The following TENM4 variants were observed in gnomAD, a reference collection of about 807,000 sequenced individuals.
TENM4 encodes the protein teneurin-4.
A neutral mutation model predicts 243.3 loss-of-function variants in TENM4; 82 were observed. The ratio of observed to expected loss-of-function variants is 0.34; its 90% CI spans 0.28 to 0.40. The LOEUF (loss-of-function observed/expected upper bound fraction) is 0.40. TENM4 is among the 10% of genes least tolerant of loss of function. The pLI, the probability that TENM4 is intolerant of heterozygous loss-of-function variation, is 1.00. For missense variants in TENM4, 3,138 were observed against 3,673.3 expected (o/e 0.85, Z 3.77); for synonymous variants, 1,412 against 1,456.3 (o/e 0.97, Z 0.69).
Position 78,787,059 on chromosome 11 carries a change from C to A in TENM4, c.2204G>T (p.Gly735Val), listed in dbSNP as rs1856954570. Residue 735 changes from glycine to valine, a missense_variant, in exon 16 of 34, where the codon GGC (glycine) becomes GTC (valine). Physicochemically the swap from Gly to Val is moderately radical, Grantham distance 109. Coordinates refer to ENST00000278550, the MANE Select transcript of TENM4 (RefSeq NM_001098816.3). ...GGTGCCCCCTACGCACACGCCATGG[C>A]CACCACAGTCGGCAGCACAGATCTC... is the stretch of plus-strand genomic sequence containing the variant. The part of the protein sequence containing the change: ...SIEICAADCG[G>V]HGVCVGGTCR... 1 of 1,549,290 alleles carries A rather than the reference C, an allele frequency of 6.5e-7. No individual in the cohort carries two copies. Among genetic ancestry groups the A allele is most frequent in the African/African-American group, 1.4e-5 (1 of 73,040 alleles).
rs532398162 is a variant in TENM4 at position 78,888,466 on chromosome 11, C to T, written c.1084+1319G>A. ...GCTTGAGATATTGAAGGGGACCTCCCTCTTTGCAGGACTGTCATCTTCCTG... is the reference window on the plus strand; with the variant it reads ...GCTTGAGATATTGAAGGGGACCTCCTTCTTTGCAGGACTGTCATCTTCCTG... On this transcript the variant is annotated intron_variant, in intron 9 of 33. Transcript: ENST00000278550. Among the ~76,000 whole-genome samples the T allele has an allele frequency of 1.1e-4, 16 of 152,356 alleles. No individual in the cohort carries two copies. The South Asian group carries it at 1.2e-3, about 12-fold the overall frequency.
At position 79,197,312 on chromosome 11, in the gene TENM4, A is replaced by C. The variant is rs553941686; in HGVS notation, c.-163+18496T>G. On this transcript the variant is annotated intron_variant, in intron 3 of 33. Coordinates refer to ENST00000278550, the MANE Select transcript of TENM4 (RefSeq NM_001098816.3). ...AGGAGGAATTAAGCTGAGCTTCCCAACCCTGGCTGCTCATTAGAATCACCT... is the reference window on the plus strand; with the variant it reads ...AGGAGGAATTAAGCTGAGCTTCCCACCCCTGGCTGCTCATTAGAATCACCT... 2.0e-5 allele frequency among the ~76,000 whole-genome samples: 3 copies of C among 151,332 alleles called. No homozygotes were observed. The East Asian group carries it at 5.9e-4, about 30-fold the overall frequency.
chr11:79,092,659 A>C (rs1396788555), intron 4 of TENM4, among the ~76,000 whole-genome samples: 4 of 152,234 alleles, frequency 2.6e-5, no homozygotes, highest in African/African-American at 9.6e-5. Flanking sequence ...TCCCCTGCTC[A>C]ATGAGTCAAG....
chr11:79,235,700 T>C (rs553099545), intron 2 of TENM4, among the ~76,000 whole-genome samples: 2 of 152,278 alleles, frequency 1.3e-5, no homozygotes, highest in South Asian at 4.2e-4. Flanking sequence ...TAAATAGTTA[T>C]ACAAGTGCAT....
At chr11:79,175,367 A>T (rs935002489) in intron 3 of TENM4, among the ~76,000 whole-genome samples, 4 of 152,240 alleles carry the variant, frequency 2.6e-5, no homozygotes, top group Admixed American at 2.6e-4. Context: ...TAATATGTCA[A>T]TGCCAACTGA....
intron 6 of TENM4, among the ~76,000 whole-genome samples, chr11:78,943,767 T>C (rs1420527187): frequency 6.6e-6 from 1 of 152,206 alleles, no homozygotes; most frequent in Admixed American, 6.5e-5. Flanking sequence ...TCAGAATAAA[T>C]TAAAAGTAGT....
At chr11:79,360,995 A>G (rs568550567) in intron 1 of TENM4, among the ~76,000 whole-genome samples, 1 of 152,332 alleles carries the variant, frequency 6.6e-6, no homozygotes, top group East Asian at 1.9e-4. Flanking sequence ...GTGACTGTCC[A>G]TGTCTGATGC....
In TENM4 at chr11:78,864,173, T is replaced by C. The variant is rs535525726; in HGVS notation, c.1085-1041A>G. ...TGTCCTGTGAAGGATAGAGATACTA[T>C]GGATCGGGGGATAGGAGGGAAACTT... On this transcript the variant is annotated intron_variant, in intron 9 of 33. Transcript: ENST00000278550. Among the ~76,000 whole-genome samples, 27 of 152,274 alleles carry C rather than the reference T, an allele frequency of 1.8e-4. No individual in the cohort carries two copies. The South Asian group carries it at 5.4e-3, about 30-fold the overall frequency.
chr11:79,203,312 G>C (rs967674756), intron 3 of TENM4, among the ~76,000 whole-genome samples: 1 of 152,142 alleles, frequency 6.6e-6, no homozygotes, highest in Non-Finnish European at 1.5e-5. Flanking sequence ...ACAAGGACAA[G>C]TGTTTATAGC....
intron 1 of TENM4, among the ~76,000 whole-genome samples, chr11:79,400,099 CCACACACACACACACACA>C (rs71050221): frequency 8.5e-5 from 12 of 140,674 alleles, no homozygotes; most frequent in South Asian, 7.3e-4. Context: ...TAAACACACA[CCACACACACACACACACA>C]CACACACACA....
intron 4 of TENM4, among the ~76,000 whole-genome samples, chr11:79,129,275 G>T (rs984485089): frequency 2.6e-5 from 4 of 152,162 alleles, no homozygotes; most frequent in African/African-American, 9.6e-5. Context: ...CCATTGGGAG[G>T]GTGGCCAGAG....
rs148983726 is a variant in TENM4, at chr11:79,026,441, G to T, written c.493+38297C>A. On this transcript the variant is annotated intron_variant, in intron 6 of 33. Transcript: ENST00000278550. ...AAGGAAGGCTTAACAAGAGCGCCAT[G>T]GACACAGTGCATAGGACTATTTTCT... 4.6e-5 allele frequency among the ~76,000 whole-genome samples: 7 copies of T among 152,240 alleles called. No homozygotes were observed. In the East Asian group the frequency reaches 1.4e-3, roughly 29 times the overall value.
intron 2 of TENM4, among the ~76,000 whole-genome samples, chr11:79,275,343 C>T (rs1221688252): frequency 6.6e-6 from 1 of 152,138 alleles, no homozygotes; most frequent in Non-Finnish European, 1.5e-5. Flanking sequence ...CACATGCAAA[C>T]ATTTCCCCTG....
intron 21 of TENM4, 130 bp from the exon 22 acceptor site, chr11:78,729,773 A>T (rs1191072664): frequency 2.5e-6 from 3 of 1,220,628 alleles, no homozygotes; most frequent in Non-Finnish European, 3.4e-6. Flanking sequence ...AGGAGGGGAA[A>T]AAAAGAGGAG....
At position 79,145,622 on chromosome 11, in the gene TENM4, G is replaced by A. The variant is rs552900690; in HGVS notation, c.-66+3088C>T. On this transcript the variant is annotated intron_variant, in intron 4 of 33. Coordinates refer to ENST00000278550, the MANE Select transcript of TENM4 (RefSeq NM_001098816.3). ...GGGCTGATGGCCATGTGTTTTGGTGGATATCTGTGTACATATCTCAGGGGT... is the reference window on the plus strand; with the variant it reads ...GGGCTGATGGCCATGTGTTTTGGTGAATATCTGTGTACATATCTCAGGGGT... Among the ~76,000 whole-genome samples, 38 of 152,196 alleles carry A rather than the reference G, an allele frequency of 2.5e-4. 1 individual carries two copies. The highest frequency in any genetic ancestry group is 9.1e-4 in the African/African-American group (38 of 41,544).
chr11:79,028,819 T>C (rs1022491492), intron 6 of TENM4, among the ~76,000 whole-genome samples: 1 of 152,164 alleles, frequency 6.6e-6, no homozygotes, highest in Non-Finnish European at 1.5e-5. Flanking sequence ...TGCAAAGATA[T>C]TGTGTGGGGC....
intron 8 of TENM4, 126 bp downstream of exon 8, chr11:78,891,112 G>A: frequency 6.4e-6 from 5 of 777,952 alleles, no homozygotes; most frequent in Non-Finnish European, 1.1e-5. Flanking sequence ...ACACGGACTT[G>A]GTGATGAGCA....
chr11:79,305,254 A>T lies in TENM4; in HGVS notation c.-320-7711T>A, dbSNP rs558402. ...TCTGAGCATCAGCTTCTTTATCTGC[A>T]AAGTGAAGATCTTTATGCCAGCCTT... On this transcript the variant is annotated intron_variant, in intron 1 of 33. Coordinates refer to ENST00000278550, the MANE Select transcript of TENM4 (RefSeq NM_001098816.3). Among the ~76,000 whole-genome samples the T allele has an allele frequency of 2.6e-5, 4 of 152,178 alleles. No individual in the cohort carries two copies. In the East Asian group the frequency reaches 7.7e-4, roughly 29 times the overall value.
intron 2 of TENM4, among the ~76,000 whole-genome samples, chr11:79,263,383 G>T (rs879039525): frequency 4.6e-5 from 7 of 152,192 alleles, no homozygotes; most frequent in African/African-American, 1.7e-4. Context: ...AAATGGCACC[G>T]CAAACATGGT....
Sources: gnomAD v4.1 joint callset for allele counts (sites outside exome capture counted in the v4.1 genomes callset) on GRCh38, gnomAD v4.1.1 for gene constraint, MANE v1.5 for transcripts, NCBI Gene and HGNC (gene_info 2026-07-23, HGNC 2026-07-21) for gene names.